The following REG3G variants were observed in gnomAD, a reference collection of about 807,000 sequenced individuals.
REG3G encodes regenerating islet-derived protein 3-gamma.
A neutral mutation model predicts 20.9 loss-of-function variants in REG3G; 19 were observed. The observed-to-expected ratio is 0.91, with a 90% confidence interval of 0.64 to 1.34. The LOEUF (loss-of-function observed/expected upper bound fraction) is 1.34, where lower values mean the gene tolerates loss of function less well. Among genes scored for constraint, REG3G ranks in the 40% most tolerant of loss-of-function variants. The pLI is 0.00. For synonymous variants in REG3G, 89 were observed against 77.4 expected (o/e 1.15, Z -0.79); for missense variants, 235 against 205.0 (o/e 1.15, Z -0.89).
At position 79,027,144 on chromosome 2, in the gene REG3G, C is replaced by G. The variant is rs764487720; in HGVS notation, c.306C>G (p.Ile102Met). 3 of 1,613,814 alleles carry G rather than the reference C, an allele frequency of 1.9e-6. No homozygotes were observed. Among genetic ancestry groups the G allele is most frequent in the Non-Finnish European group, 2.5e-6 (3 of 1,179,776 alleles). ...VRSISNSYSY[I>M]WIGLHDPTQG... ...GCATTAGTAACAGCTATTCATACAT[C>G]TGGATTGGGCTCCATGACCCCACAC... Residue 102 changes from isoleucine to methionine, a missense_variant, in exon 4 of 6, where the codon ATC (isoleucine) becomes ATG (methionine). Ile to Met is a conservative substitution (Grantham distance 10). Transcript: ENST00000272324.
At chr2:79,027,457 T>C (rs1310600369) in intron 4 of REG3G, among the ~76,000 whole-genome samples, 1 of 152,228 alleles carries the variant, frequency 6.6e-6, no homozygotes, top group East Asian at 1.9e-4. Context: ...TCTGTATCTA[T>C]TATTCTGAGG....
chr2:79,025,946 C>T, intron 1 of REG3G, 37 bp from the exon 2 acceptor site: 2 of 719,486 alleles, frequency 2.8e-6, no homozygotes, highest in Non-Finnish European at 4.8e-6. Context: ...TCATTCAGAA[C>T]TGTAGAAGAT....
At chr2:79,026,916 C>T (rs1671637849) in intron 3 of REG3G, 85 bp downstream of exon 3, 1 of 1,367,534 alleles carries the variant, frequency 7.3e-7, no homozygotes, top group African/African-American at 1.6e-5. Flanking sequence ...CAGGAGAGTT[C>T]CTTGGGAATG....
chr2:79,027,909 T>C lies in REG3G; in HGVS notation c.436T>C (p.Cys146Arg), dbSNP rs369240700. Residue 146 changes from cysteine (C) to arginine (R), a missense_variant, in exon 5 of 6, where the codon TGT becomes CGT. By Grantham distance (180) the Cys-to-Arg change is radical. Coordinates refer to ENST00000272324, the MANE Select transcript of REG3G (RefSeq NM_001008387.3). ...NPSTILNPGH[C>R]GSLSRSTGFL... Reference sequence around the variant, plus strand: ...CTCCACCATCTTAAACCCTGGCCACTGTGGGAGCCTGTCAAGAAGCACAGG... The same window carrying C: ...CTCCACCATCTTAAACCCTGGCCACCGTGGGAGCCTGTCAAGAAGCACAGG... The C allele has an allele frequency of 4.2e-5, 68 of 1,613,942 alleles. No individual in the cohort carries two copies. The highest frequency in any genetic ancestry group is 5.4e-5 in the Non-Finnish European group (64 of 1,179,974).
intron 2 of REG3G, chr2:79,026,412 G>C (rs1159321105): frequency 2.0e-5 from 12 of 598,412 alleles, no homozygotes; most frequent in Non-Finnish European, 3.0e-5. Flanking sequence ...TGGTGGGAAA[G>C]TGTGGAGGGT....
At chr2:79,026,358 G>A in intron 2 of REG3G, 189 bp downstream of exon 2, 1 of 625,558 alleles carries the variant, frequency 1.6e-6, no homozygotes, top group East Asian at 2.7e-5. Context: ...CACTAACAAT[G>A]GAATGAGATG....
intron 4 of REG3G, among the ~76,000 whole-genome samples, chr2:79,027,556 C>T (rs565392717): frequency 6.8e-4 from 104 of 152,234 alleles, no homozygotes; most frequent in African/African-American, 2.3e-3. Flanking sequence ...AAATGCTACA[C>T]CAATTATTGT....
chr2:79,028,338 G>C lies in REG3G; in HGVS notation c.*62G>C. 1 of 1,079,050 alleles carries C rather than the reference G, an allele frequency of 9.3e-7. No individual in the cohort carries two copies. Among genetic ancestry groups the C allele is most frequent in the Non-Finnish European group, 1.4e-6 (1 of 692,330 alleles). The allele number at this position is 1,079,050 out of a possible 1,614,324, so 66.8% of individuals were successfully genotyped here. A position where few individuals can be genotyped will look rare whatever the true frequency, so the allele number is the denominator to read the frequency against. On this transcript the variant is annotated 3_prime_UTR_variant, in exon 6 of 6. Transcript: ENST00000272324. ...AGCTCATCATGGACATGAGACCAGT[G>C]TGAAGACTCACCCTGGAAGAGAATA...
At position 79,027,796 on chromosome 2, in the gene REG3G, C is replaced by T. The variant is rs761223983; in HGVS notation, c.334-11C>T. The T allele has an allele frequency of 1.1e-5, 17 of 1,613,834 alleles. No homozygotes were observed. The highest frequency in any genetic ancestry group is 1.4e-5 in the Non-Finnish European group (16 of 1,179,838). ...CATTTTCTTCACCTGGCTGCCTCCTCTTCTCTATAGGGCTCTGAGCCTGAT... is the reference window on the plus strand; with the variant it reads ...CATTTTCTTCACCTGGCTGCCTCCTTTTCTCTATAGGGCTCTGAGCCTGAT... On this transcript the variant is annotated splice_polypyrimidine_tract_variant and intron_variant, in intron 4 of 5. Coordinates refer to ENST00000272324, the MANE Select transcript of REG3G (RefSeq NM_001008387.3).
chr2:79,026,315 T>G (rs1671619116), intron 2 of REG3G, 146 bp downstream of exon 2: 2 of 771,972 alleles, frequency 2.6e-6, no homozygotes, highest in African/African-American at 1.7e-5. Flanking sequence ...CCTTCCTTCA[T>G]GTTAACTTGC....
In REG3G at chr2:79,027,917, C is replaced by G; in HGVS notation, c.444C>G (p.Ser148Arg). Reference sequence around the variant, plus strand: ...TCTTAAACCCTGGCCACTGTGGGAGCCTGTCAAGAAGCACAGGTAAGAAAC... The same window carrying G: ...TCTTAAACCCTGGCCACTGTGGGAGGCTGTCAAGAAGCACAGGTAAGAAAC... The part of the protein sequence containing the change: ...STILNPGHCG[S>R]LSRSTGFLKW... Residue 148 changes from serine (S) to arginine (R), a missense_variant, in exon 5 of 6, where the codon AGC (serine) becomes AGG (arginine). Transcript: ENST00000272324. 1.2e-6 allele frequency: 2 copies of G among 1,614,042 alleles called. No individual in the cohort carries two copies. The highest frequency in any genetic ancestry group is 1.7e-6 in the Non-Finnish European group (2 of 1,179,960).
At chr2:79,026,221 A>G (rs914682653) in intron 2 of REG3G, 52 bp downstream of exon 2, 1 of 1,574,934 alleles carries the variant, frequency 6.3e-7, no homozygotes, top group Non-Finnish European at 8.7e-7. Context: ...CTCAGAGCCA[A>G]GAAAAGGAGG....
rs1279085196 is a variant in REG3G at position 79,028,366 on chromosome 2, C to T, written c.*90C>T. The T allele has an allele frequency of 1.2e-6, 1 of 857,740 alleles. No individual in the cohort carries two copies. Among genetic ancestry groups the T allele is most frequent in the African/African-American group, 1.7e-5 (1 of 60,410 alleles). The allele number at this position is 857,740 out of a possible 1,614,324, so 53.1% of individuals were successfully genotyped here. ...AAGACTCACCCTGGAAGAGAATATTCTCCCCAAACTGCCCTACCTGACTAC... is the reference window on the plus strand; with the variant it reads ...AAGACTCACCCTGGAAGAGAATATTTTCCCCAAACTGCCCTACCTGACTAC... On this transcript the variant is annotated 3_prime_UTR_variant, in exon 6 of 6. Coordinates refer to ENST00000272324, the MANE Select transcript of REG3G (RefSeq NM_001008387.3).
intron 3 of REG3G, 31 bp from the exon 4 acceptor site, chr2:79,027,003 C>T (rs527896116): frequency 1.2e-6 from 2 of 1,613,664 alleles, no homozygotes; most frequent in South Asian, 1.1e-5. Context: ...GGGTCTCAGG[C>T]TCCATCTCAT....
intron 5 of REG3G, 97 bp from the exon 6 acceptor site, chr2:79,028,112 G>A: frequency 7.8e-7 from 1 of 1,282,098 alleles, no homozygotes; most frequent in Non-Finnish European, 1.1e-6. Flanking sequence ...GTGAAGATGA[G>A]AGAGAAGCTT....
At position 79,028,257 on chromosome 2, in the gene REG3G, T is replaced by C. The variant is rs1304484035; in HGVS notation, c.509T>C (p.Val170Ala). 6.2e-7 allele frequency: 1 copy of C among 1,612,940 alleles called. No homozygotes were observed. Among genetic ancestry groups the C allele is most frequent in the Non-Finnish European group, 8.5e-7 (1 of 1,179,148 alleles). Residue 170 changes from valine (V) to alanine (A), a missense_variant, in exon 6 of 6, where the codon GTC becomes GCC. Transcript: ENST00000272324. ...AACTGTGATGCAAAGTTACCCTATGTCTGCAAGTTCAAGGACTAGGGCAGG... is the reference window on the plus strand; with the variant it reads ...AACTGTGATGCAAAGTTACCCTATGCCTGCAAGTTCAAGGACTAGGGCAGG... ...DYNCDAKLPY[V>A]CKFKD
chr2:79,026,143 G>C lies in REG3G; in HGVS notation c.50G>C (p.Cys17Ser). The C allele has an allele frequency of 6.2e-7, 1 of 1,613,948 alleles. No homozygotes were observed. The highest frequency in any genetic ancestry group is 8.5e-7 in the Non-Finnish European group (1 of 1,179,888). The change falls in exon 2 of 6, where the codon TGC becomes TCC. Residue 17 changes from cysteine to serine, a missense_variant. Cys to Ser is a moderately radical substitution (Grantham distance 112). Transcript: ENST00000272324. ...AGTGTGTCCTGGATGCTGCTTTCCT[G>C]CCTCATTCTCCTGTGTCAGGTTCAA... ...LPSVSWMLLS[C>S]LILLCQVQGE... is the part of the protein sequence containing the mutation.
chr2:79,026,551 A>G (rs1033602047), intron 2 of REG3G, 162 bp from the exon 3 acceptor site: 1 of 640,924 alleles, frequency 1.6e-6, no homozygotes, highest in African/African-American at 1.8e-5. Context: ...CCCATTTAGT[A>G]GGGCTATTTT....
chr2:79,027,420 C>G (rs1195465376), intron 4 of REG3G, among the ~76,000 whole-genome samples: 1 of 152,168 alleles, frequency 6.6e-6, no homozygotes, highest in South Asian at 2.1e-4. Flanking sequence ...GGAATCCTTA[C>G]AAATCAATTA....
Sources: gnomAD v4.1 joint callset for allele counts (sites outside exome capture counted in the v4.1 genomes callset) on GRCh38, gnomAD v4.1.1 for gene constraint, MANE v1.5 for transcripts, NCBI Gene and HGNC (gene_info 2026-07-23, HGNC 2026-07-21) for gene names.